Variants in PIGA observed in about 807,000 individuals in gnomAD.
PIGA encodes phosphatidylinositol N-acetylglucosaminyltransferase subunit A.
In PIGA, 3 loss-of-function variants were observed where a neutral mutation model predicts 17.1. That is an observed-to-expected ratio of 0.18 (90% CI 0.08 to 0.45). The LOEUF is 0.45. PIGA is among the 20% of genes least tolerant of loss of function. The probability of loss-of-function intolerance (pLI) is 0.99; values close to 1 mark genes in which losing one functional copy is unlikely to be tolerated. For missense variants in PIGA, 231 were observed against 374.1 expected, an observed-to-expected ratio of 0.62 and a Z score of 3.16; for synonymous variants, 126 against 135.1, an observed-to-expected ratio of 0.93 and a Z score of 0.47.
intron 2 of PIGA, among the ~76,000 whole-genome samples, chrX:15,326,675 C>T (rs1921981352): frequency 8.9e-6 from 1 of 111,764 alleles, no homozygotes; most frequent in Non-Finnish European, 1.9e-5. Flanking sequence ...AATTTAAGTT[C>T]AAACCAGCTA....
intron 3 of PIGA, chrX:15,325,644 A>G (rs183703626): frequency 2.4e-4 from 51 of 213,008 alleles, no homozygotes; most frequent in Non-Finnish European, 3.8e-4. Context: ...GCTTCCAGTT[A>G]AAGCAGCTGT....
chrX:15,335,066 G>A (rs1442596783), intron 1 of PIGA, among the ~76,000 whole-genome samples: 3 of 112,044 alleles, frequency 2.7e-5, no homozygotes, highest in Admixed American at 1.9e-4. Context: ...TGGGTCAAGA[G>A]AATGGTACTT....
chrX:15,334,015 C>A (rs780079117), intron 1 of PIGA, among the ~76,000 whole-genome samples: 10 of 111,080 alleles, frequency 9.0e-5, no homozygotes, highest in African/African-American at 2.0e-4. Flanking sequence ...TAGTCAAAAT[C>A]TTCCTCAGCT....
At chrX:15,333,614 G>A (rs1294260587) in intron 1 of PIGA, among the ~76,000 whole-genome samples, 2 of 112,252 alleles carry the variant, frequency 1.8e-5, no homozygotes, top group Admixed American at 1.9e-4. Context: ...CCGGGAGTCC[G>A]AAGTTGCAGT....
chrX:15,334,225 C>G (rs1451570041), intron 1 of PIGA, among the ~76,000 whole-genome samples: 1 of 88,594 alleles, frequency 1.1e-5, no homozygotes, highest in African/African-American at 4.5e-5. Flanking sequence ...GAGTCTCACT[C>G]TGTTGCCCAG....
intron 5 of PIGA, among the ~76,000 whole-genome samples, chrX:15,322,158 T>G (rs1274052560): frequency 9.0e-6 from 1 of 111,494 alleles, no homozygotes; most frequent in Non-Finnish European, 1.9e-5. Context: ...CAGCAGTGAC[T>G]TCAGCAGTAC....
At position 15,331,848 on chromosome X, in the gene PIGA, C is replaced by T. The variant is rs747568374; in HGVS notation, c.83G>A (p.Cys28Tyr). 1 of 1,211,849 alleles carries T rather than the reference C, an allele frequency of 8.3e-7. No homozygotes were observed. Among genetic ancestry groups the T allele is most frequent in the Non-Finnish European group, 1.1e-6 (1 of 895,506 alleles). The change falls in exon 2 of 6, where the codon TGT becomes TAT. Residue 28 changes from cysteine (C) to tyrosine (Y), a missense_variant. Transcript: ENST00000333590. Reference sequence around the variant, plus strand: ...GCATATATTATGGGTACGGGTTCTACATGTGTAAAGACTTCCAGGGCTAAC... The same window carrying T: ...GCATATATTATGGGTACGGGTTCTATATGTGTAAAGACTTCCAGGGCTAAC... ...SRVSPGSLYT[C>Y]RTRTHNICMV...
chrX:15,321,449 C>T lies in PIGA; in HGVS notation c.*57G>A, dbSNP rs920567695. The T allele has an allele frequency of 1.5e-5, 16 of 1,062,668 alleles. No individual in the cohort carries two copies. In the African/African-American group the frequency reaches 3.0e-4, roughly 20 times the overall value. 87.6% of individuals were successfully genotyped at this position (1,062,668 alleles called of 1,213,427 possible). A position where few individuals can be genotyped will look rare whatever the true frequency, so the allele number is the denominator to read the frequency against. On this transcript the variant is annotated 3_prime_UTR_variant, in exon 6 of 6. Coordinates refer to ENST00000333590, the MANE Select transcript of PIGA (RefSeq NM_002641.4). Reference sequence around the variant, plus strand: ...AACCCCCCAAAAGCAAGGTTATTTTCCATAGTCTTTATAGAACTATTACAA... The same window carrying T: ...AACCCCCCAAAAGCAAGGTTATTTTTCATAGTCTTTATAGAACTATTACAA...
chrX:15,329,548 C>T (rs892025775), intron 2 of PIGA, among the ~76,000 whole-genome samples: 2 of 111,432 alleles, frequency 1.8e-5, no homozygotes, highest in African/African-American at 3.3e-5. Context: ...CATCAAACTA[C>T]GGGCAACTCA....
rs1165670805 is a variant in PIGA, at chrX:15,320,865, T to C, written c.*641A>G. 1 of 111,310 alleles carries C rather than the reference T, an allele frequency of 9.0e-6. No individual in the cohort carries two copies. Among genetic ancestry groups the C allele is most frequent in the African/African-American group, 3.3e-5 (1 of 30,560 alleles). 9.2% of individuals were successfully genotyped at this position (111,310 alleles called of 1,213,427 possible). On this transcript the variant is annotated 3_prime_UTR_variant, in exon 6 of 6. Coordinates refer to ENST00000333590, the MANE Select transcript of PIGA (RefSeq NM_002641.4). ...ATTATGATGAAGTAAGCCATTTGAA[T>C]GGTAAACAAAGAGTGAATGCACCCC...
At chrX:15,327,294 A>G (rs1386263553) in intron 2 of PIGA, 1 of 111,081 alleles carries the variant, frequency 9.0e-6, no homozygotes, top group Non-Finnish European at 1.9e-5. Context: ...AAAAGTAAAT[A>G]TAAAATAATC....
chrX:15,333,584 G>GACA lies in PIGA; in HGVS notation c.-62-1593_-62-1592insTGT, dbSNP rs1922232323. On this transcript the variant is annotated intron_variant, in intron 1 of 5. Coordinates refer to ENST00000333590, the MANE Select transcript of PIGA (RefSeq NM_002641.4). The stretch of plus-strand genomic sequence containing the variant: ...TGGTCCTAGCTACTCGGGAGGCTGA[G>GACA]GCAGGAGAACCGCTTGAACCCGGGA... Among the ~76,000 whole-genome samples the GACA allele has an allele frequency of 2.7e-5, 3 of 112,140 alleles. No individual in the cohort carries two copies. In the East Asian group the frequency reaches 8.4e-4, roughly 31 times the overall value.
In PIGA at chrX:15,321,513, G is replaced by A; in HGVS notation, c.1448C>T (p.Thr483Ile). 2.5e-6 allele frequency: 3 copies of A among 1,202,373 alleles called. No homozygotes were observed. Among genetic ancestry groups the A allele is most frequent in the Non-Finnish European group, 3.4e-6 (3 of 887,306 alleles). The change falls in exon 6 of 6, where the codon ACC becomes ATC. Residue 483 changes from threonine to isoleucine, a missense_variant. By Grantham distance (89) the Thr-to-Ile change is moderately conservative. Around this residue, in one of 5 missense-constraint regions of PIGA, gnomAD observed 88 missense variants for 100.5 expected, o/e 0.88. Coordinates refer to ENST00000333590, the MANE Select transcript of PIGA (RefSeq NM_002641.4). ...RGGENNEISE[T>I]R ...TACAATCTAGGCTTCCTTCTACCTG[G>A]TTTCAGATATCTCATTATTCTCACC...
Position 15,320,188 on chromosome X carries a change from C to A in PIGA, c.*1318G>T, listed in dbSNP as rs1921758355. On this transcript the variant is annotated 3_prime_UTR_variant, in exon 6 of 6. Transcript: ENST00000333590. Reference sequence around the variant, plus strand: ...AAGTAATAAATTTTGTGAATGTTGTCATTTTTAAAAATCCTATACAGAATC... The same window carrying A: ...AAGTAATAAATTTTGTGAATGTTGTAATTTTTAAAAATCCTATACAGAATC... 8.9e-6 allele frequency: 1 copy of A among 112,657 alleles called. No homozygotes were observed. Among genetic ancestry groups the A allele is most frequent in the Non-Finnish European group, 1.9e-5 (1 of 53,354 alleles). The allele number at this position is 112,657 out of a possible 1,213,427, so 9.3% of individuals were successfully genotyped here. A position where few individuals can be genotyped will look rare whatever the true frequency, so the allele number is the denominator to read the frequency against.
At position 15,324,701 on chromosome X, in the gene PIGA, G is replaced by T; in HGVS notation, c.1152C>A (p.Phe384Leu). 2.5e-6 allele frequency: 3 copies of T among 1,207,995 alleles called. No homozygotes were observed. The highest frequency in any genetic ancestry group is 3.4e-6 in the Non-Finnish European group (3 of 892,032). ...PENIHNIVKT[F>L]YTWRNVAERT... The stretch of plus-strand genomic sequence containing the variant: ...TTTCTGCAACATTCCTCCAGGTGTA[G>T]AAAGTCTTTACTATGTTATGGATGT... Residue 384 changes from phenylalanine to leucine, a missense_variant, in exon 5 of 6, where the codon TTC becomes TTA. This residue lies in a region of PIGA where 88 missense variants were observed against 100.5 expected (regional missense o/e 0.88). Coordinates refer to ENST00000333590, the MANE Select transcript of PIGA (RefSeq NM_002641.4).
chrX:15,335,181 G>A (rs1922297378), intron 1 of PIGA, among the ~76,000 whole-genome samples: 1 of 112,453 alleles, frequency 8.9e-6, no homozygotes. Flanking sequence ...CTCAGACAGC[G>A]ACCCCGCTGG....
intron 2 of PIGA, among the ~76,000 whole-genome samples, chrX:15,330,176 C>T (rs561138542): frequency 3.4e-4 from 38 of 111,746 alleles, no homozygotes; most frequent in African/African-American, 1.0e-3. Flanking sequence ...TGAACCCTTG[C>T]GAGGTTCCCA....
rs762748091 is a variant in PIGA, at chrX:15,331,733, C to T, written c.198G>A (p.Lys66=). The T allele has an allele frequency of 2.2e-5, 27 of 1,210,564 alleles. No individual in the cohort carries two copies. The East Asian group carries it at 7.1e-4, about 32-fold the overall frequency. The change falls in exon 2 of 6, where the codon AAG becomes AAA. Residue 66 remains lysine, a synonymous_variant. Transcript: ENST00000333590. ...LSQCLIERGH[K]VIIVTHAYGN... ...CATAAGCATGGGTGACAATTATAAC[C>T]TTATGCCCTCTTTCAATCAGGCACT...
intron 4 of PIGA, 31 bp downstream of exon 4, chrX:15,324,989 C>T: frequency 2.5e-6 from 3 of 1,183,012 alleles, no homozygotes; most frequent in Non-Finnish European, 3.4e-6. Context: ...ACACAGAAAT[C>T]CCAACCATGA....
Sources: gnomAD v4.1 joint callset for allele counts (sites outside exome capture counted in the v4.1 genomes callset) on GRCh38, gnomAD v4.1.1 for gene constraint, gnomAD v4.1.1 regional missense constraint, MANE v1.5 for transcripts, NCBI Gene and HGNC (gene_info 2026-07-23, HGNC 2026-07-21) for gene names.